Variants in STOX1 observed in about 807,000 individuals in gnomAD.
The protein encoded by STOX1 is storkhead-box protein 1.
STOX1 carries 57 observed loss-of-function variants against 74.8 expected under a neutral mutation model. That is an observed-to-expected ratio of 0.76 (90% CI 0.62 to 0.95). The LOEUF (loss-of-function observed/expected upper bound fraction) is 0.95. Ranked by LOEUF, STOX1 falls within the 40% of genes least tolerant of loss-of-function variation. The pLI, the probability that STOX1 is intolerant of heterozygous loss-of-function variation, is 0.00. For synonymous variants in STOX1, 375 were observed against 401.3 expected, an observed-to-expected ratio of 0.93 and a Z score of 0.78; for missense variants, 1,010 against 1,117.0, an observed-to-expected ratio of 0.90 and a Z score of 1.37.
intron 1 of STOX1, among the ~76,000 whole-genome samples, chr10:68,861,458 C>G (rs1230713980): frequency 1.3e-5 from 2 of 152,100 alleles, no homozygotes; most frequent in African/African-American, 2.4e-5. Flanking sequence ...TCCGGTAAAC[C>G]AGCAACCTCC....
At chr10:68,892,446 T>A (rs1411837201) in intron 3 of STOX1, 143 bp from the exon 4 acceptor site, 1 of 759,388 alleles carries the variant, frequency 1.3e-6, no homozygotes. Flanking sequence ...CACTTCGGAT[T>A]TTTAAAGGTT....
At position 68,829,125 on chromosome 10, in the gene STOX1, C is replaced by G. The variant is rs1161452716; in HGVS notation, c.310+1192C>G. 9.4e-6 allele frequency: 3 copies of G among 320,124 alleles called. No individual in the cohort carries two copies. In the East Asian group the frequency reaches 5.1e-4, roughly 54 times the overall value. The allele number at this position is 320,124 out of a possible 1,614,324, so 19.8% of individuals were successfully genotyped here. A position where few individuals can be genotyped will look rare whatever the true frequency, so the allele number is the denominator to read the frequency against. On this transcript the variant is annotated intron_variant, in intron 1 of 3. Transcript: ENST00000298596. ...TTTTCATTCTTACCAAGGAACCCCTCTGTATTAGTCCATAAATCATCCTCT... is the reference window on the plus strand; with the variant it reads ...TTTTCATTCTTACCAAGGAACCCCTGTGTATTAGTCCATAAATCATCCTCT...
Position 68,884,755 on chromosome 10 carries a change from T to C in STOX1, c.959T>C (p.Leu320Ser). Residue 320 changes from leucine to serine, a missense_variant, in exon 3 of 4, where the codon TTA becomes TCA. By Grantham distance (145) the Leu-to-Ser change is moderately radical (BLOSUM62 -2). Transcript: ENST00000298596. Reference protein sequence around the residue: ...KFGFSLLWRSLSRKEKPKTEH... With the variant: ...KFGFSLLWRSSSRKEKPKTEH... ...GGTTTTAGTCTCTTATGGCGCAGCTTATCTAGAAAGGAGAAGCCCAAAACA... is the reference window on the plus strand; with the variant it reads ...GGTTTTAGTCTCTTATGGCGCAGCTCATCTAGAAAGGAGAAGCCCAAAACA... The C allele has an allele frequency of 6.2e-7, 1 of 1,614,174 alleles. No homozygotes were observed. Among genetic ancestry groups the C allele is most frequent in the Non-Finnish European group, 8.5e-7 (1 of 1,180,030 alleles).
At chr10:68,871,266 C>G (rs774404923) in intron 1 of STOX1, among the ~76,000 whole-genome samples, 3 of 152,156 alleles carry the variant, frequency 2.0e-5, no homozygotes, top group Non-Finnish European at 4.4e-5. Flanking sequence ...GCTAGAGGCT[C>G]AAAGGGCACC....
rs56325624 is a variant in STOX1, at chr10:68,876,119, AATATATAT to A, written c.311-5808_311-5801del. 3.1e-3 allele frequency among the ~76,000 whole-genome samples: 417 copies of A among 135,706 alleles called. 1 individual carries two copies. The highest frequency in any genetic ancestry group is 0.01 in the African/African-American group (381 of 36,604). The allele number at this position is 135,706 out of a possible 152,430, so 89.0% of individuals were successfully genotyped here. ...GGGGTTGCTTTCTGGTCTTTACCAG[AATATATAT>A]ATATATATATATATATATATATATA... On this transcript the variant is annotated intron_variant, in intron 1 of 3. Transcript: ENST00000298596.
chr10:68,882,722 C>G (rs929551555), intron 2 of STOX1, among the ~76,000 whole-genome samples: 3 of 152,152 alleles, frequency 2.0e-5, no homozygotes, highest in African/African-American at 7.2e-5. Context: ...TGGTCTCGAA[C>G]TCCTGACCTC....
In STOX1 at chr10:68,884,704, G is replaced by A. The variant is rs370557206; in HGVS notation, c.908G>A (p.Arg303Lys). The A allele has an allele frequency of 1.2e-6, 2 of 1,614,038 alleles. No individual in the cohort carries two copies. The highest frequency in any genetic ancestry group is 1.7e-5 in the Admixed American group (1 of 59,994). The change falls in exon 3 of 4, where the codon AGA becomes AAA. Residue 303 changes from arginine to lysine, a missense_variant. Transcript: ENST00000298596. ...AGCACCAAACCTTTACCATACACAAGAGATAAAGAAAAAGGCAAGAAGTTT... is the reference window on the plus strand; with the variant it reads ...AGCACCAAACCTTTACCATACACAAAAGATAAAGAAAAAGGCAAGAAGTTT... ...CESTKPLPYT[R>K]DKEKGKKFGF...
intron 1 of STOX1, among the ~76,000 whole-genome samples, chr10:68,842,441 C>G (rs972984295): frequency 6.6e-6 from 1 of 151,256 alleles, no homozygotes; most frequent in Admixed American, 6.6e-5. Flanking sequence ...ATAATTGACT[C>G]TTTTTTCTCT....
At chr10:68,860,454 C>A (rs1840237388) in intron 1 of STOX1, among the ~76,000 whole-genome samples, 1 of 151,080 alleles carries the variant, frequency 6.6e-6, no homozygotes, top group African/African-American at 2.4e-5. Flanking sequence ...CCTGTAATCC[C>A]AGCTACTCTG....
intron 1 of STOX1, among the ~76,000 whole-genome samples, chr10:68,846,404 C>T (rs1417900168): frequency 6.6e-6 from 1 of 152,100 alleles, no homozygotes; most frequent in East Asian, 1.9e-4. Context: ...CCTGCCCCGG[C>T]CCCCCAAAGT....
chr10:68,867,020 C>A (rs973532929), intron 1 of STOX1, among the ~76,000 whole-genome samples: 1 of 148,650 alleles, frequency 6.7e-6, no homozygotes, highest in Non-Finnish European at 1.5e-5. Flanking sequence ...ATCTCAGTCA[C>A]TGCAAGCTCC....
chr10:68,879,560 C>G (rs1840759326), intron 1 of STOX1, among the ~76,000 whole-genome samples: 1 of 152,196 alleles, frequency 6.6e-6, no homozygotes, highest in Non-Finnish European at 1.5e-5. Flanking sequence ...ACCATCTCCA[C>G]TAAGCCCTTC....
At chr10:68,832,202 G>A (rs150154217) in intron 1 of STOX1, among the ~76,000 whole-genome samples, 3 of 152,130 alleles carry the variant, frequency 2.0e-5, no homozygotes, top group African/African-American at 7.2e-5. Flanking sequence ...TGGGGCACCT[G>A]TATTTGTTTG....
rs946439630 is a variant in STOX1 at position 68,885,337 on chromosome 10, A to G, written c.1541A>G (p.Gln514Arg). ...ACAATATCCAAAGGGCACAAAATTC[A>G]GAAGACGAGTGATCTGAAACCCAGC... Reference protein sequence around the residue: ...GSTISKGHKIQKTSDLKPSQT... With the variant: ...GSTISKGHKIRKTSDLKPSQT... The change falls in exon 3 of 4, where the codon CAG becomes CGG. Residue 514 changes from glutamine to arginine, a missense_variant. Transcript: ENST00000298596. 4 of 1,614,144 alleles carry G rather than the reference A, an allele frequency of 2.5e-6. No homozygotes were observed. The African/African-American group carries it at 4.0e-5, about 16-fold the overall frequency.
intron 1 of STOX1, among the ~76,000 whole-genome samples, chr10:68,865,218 T>G (rs1443243720): frequency 6.6e-6 from 1 of 152,260 alleles, no homozygotes; most frequent in African/African-American, 2.4e-5. Context: ...TTAACATGCC[T>G]TGTGGCAACA....
intron 1 of STOX1, among the ~76,000 whole-genome samples, chr10:68,845,360 G>C (rs1589219198): frequency 7.2e-6 from 1 of 139,318 alleles, no homozygotes; most frequent in Non-Finnish European, 1.5e-5. Context: ...TGCAACCTCT[G>C]CCTCCCAGGT....
chr10:68,847,435 G>A (rs1839881363), intron 1 of STOX1, among the ~76,000 whole-genome samples: 2 of 98,652 alleles, frequency 2.0e-5, no homozygotes, highest in Admixed American at 9.9e-5. Context: ...TGTTTTTCTC[G>A]AGATCACTGT....
chr10:68,893,494 T>C (rs781265786), downstream of STOX1, among the ~76,000 whole-genome samples: 116 of 152,342 alleles, frequency 7.6e-4, 1 homozygote, highest in South Asian at 1.7e-3. Context: ...CTCGGCTCAC[T>C]GCAACCTCTG....
chr10:68,830,155 G>A (rs1367376406), intron 1 of STOX1, among the ~76,000 whole-genome samples: 2 of 152,014 alleles, frequency 1.3e-5, no homozygotes, highest in African/African-American at 4.8e-5. Context: ...TGTATCACAC[G>A]TCACCTGTTG....
Sources: allele counts gnomAD v4.1 joint callset (sites outside exome capture counted in the v4.1 genomes callset), GRCh38; gene constraint gnomAD v4.1.1; transcripts MANE v1.5; gene names NCBI Gene and HGNC (gene_info 2026-07-23, HGNC 2026-07-21).